The following SMCO4 variants were observed in gnomAD, a reference collection of about 807,000 sequenced individuals.
The protein encoded by SMCO4 is single-pass membrane protein with coiled-coil domains 4.
Under a neutral mutation model 3.6 loss-of-function variants are expected in SMCO4, and 4 were observed. The ratio of observed to expected loss-of-function variants is 1.11; its 90% confidence interval spans 0.54 to 2.53. The LOEUF (loss-of-function observed/expected upper bound fraction) is 2.53, where lower values mean the gene tolerates loss of function less well. Ranked by LOEUF, SMCO4 falls within the 30% of genes most tolerant of loss-of-function variation. The pLI, the probability that SMCO4 is intolerant of heterozygous loss-of-function variation, is 0.02. For missense variants in SMCO4, 70 were observed against 80.8 expected (o/e 0.87, Z 0.51); for synonymous variants, 36 against 35.3 (o/e 1.02, Z -0.07).
At chr11:93,483,100 C>G (rs778936242) in intron 2 of SMCO4, among the ~76,000 whole-genome samples, 2 of 151,764 alleles carry the variant, frequency 1.3e-5, no homozygotes, top group South Asian at 4.2e-4. Flanking sequence ...GCACTGGGGG[C>G]GAGGGGTGGC....
chr11:93,548,583 A>G, the SMCO4 span, among the ~76,000 whole-genome samples: 1 of 152,182 alleles, frequency 6.6e-6, no homozygotes, highest in African/African-American at 2.4e-5. Context: ...TCACTGCCAG[A>G]ATCACATCTG....
intron 1 of SMCO4, among the ~76,000 whole-genome samples, chr11:93,539,515 G>A (rs765720531): frequency 1.3e-5 from 2 of 152,104 alleles, no homozygotes; most frequent in African/African-American, 2.4e-5. Context: ...TCACAAAGAC[G>A]ACACTTCTAC....
At chr11:93,507,041 G>A (rs940284493) in intron 1 of SMCO4, among the ~76,000 whole-genome samples, 3 of 152,158 alleles carry the variant, frequency 2.0e-5, no homozygotes, top group African/African-American at 7.2e-5. Flanking sequence ...TAAATACAGT[G>A]AGCCTGTTAT....
chr11:93,482,185 G>A (rs1948599183), intron 2 of SMCO4, among the ~76,000 whole-genome samples: 1 of 152,210 alleles, frequency 6.6e-6, no homozygotes, highest in Admixed American at 6.5e-5. Flanking sequence ...CCTGTGAGCT[G>A]GGGCAGCAAG....
intron 1 of SMCO4, chr11:93,535,514 C>G: frequency 7.1e-7 from 1 of 1,404,742 alleles, no homozygotes; most frequent in Non-Finnish European, 1.0e-6. Flanking sequence ...GCTGACCAGA[C>G]TTTTCCAGAA....
Position 93,481,971 on chromosome 11 carries a change from T to C in SMCO4, c.-80-2702A>G, listed in dbSNP as rs533817742. On this transcript the variant is annotated intron_variant, in intron 2 of 2. Transcript: ENST00000298966. ...TCTGCATCCACCCACACAAGTGTAGTTGACATTCAAAGGCCCCAGCCTCCA... is the reference window on the plus strand; with the variant it reads ...TCTGCATCCACCCACACAAGTGTAGCTGACATTCAAAGGCCCCAGCCTCCA... Among the ~76,000 whole-genome samples the C allele has an allele frequency of 3.3e-5, 5 of 152,302 alleles. No homozygotes were observed. In the South Asian group the frequency reaches 8.3e-4, roughly 25 times the overall value.
In SMCO4 at chr11:93,535,626, C is replaced by T. The variant is rs1278465434; in HGVS notation, c.-154+7650G>A. 7.6e-6 allele frequency: 12 copies of T among 1,585,206 alleles called. No individual in the cohort carries two copies. The South Asian group carries it at 7.7e-5, about 10-fold the overall frequency. The stretch of plus-strand genomic sequence containing the variant: ...CTGTGGAGGGCTTTGAGCCTGCAGA[C>T]AACAAGTGTCTGTTAAGAGCTACCG... On this transcript the variant is annotated intron_variant, in intron 1 of 2. Coordinates refer to ENST00000298966, the MANE Select transcript of SMCO4 (RefSeq NM_020179.3).
chr11:93,544,589 C>T (rs1184828654), upstream of SMCO4, among the ~76,000 whole-genome samples: 5 of 152,204 alleles, frequency 3.3e-5, no homozygotes, highest in Non-Finnish European at 7.3e-5. Flanking sequence ...CTGCAGTCTA[C>T]TGGCTCTTCC....
At chr11:93,483,072 A>T (rs1948610123) in intron 2 of SMCO4, among the ~76,000 whole-genome samples, 1 of 152,170 alleles carries the variant, frequency 6.6e-6, no homozygotes, top group South Asian at 2.1e-4. Context: ...GAACTCAACA[A>T]GAGGAGGTAG....
At chr11:93,531,945 T>C (rs1441777237) in intron 1 of SMCO4, among the ~76,000 whole-genome samples, 1 of 152,226 alleles carries the variant, frequency 6.6e-6, no homozygotes, top group African/African-American at 2.4e-5. Context: ...TGGAAGCCCC[T>C]GCCCCATTTC....
chr11:93,544,100 C>T (rs7126188), upstream of SMCO4, among the ~76,000 whole-genome samples: 81,499 of 151,996 alleles, frequency 0.54, 22,365 homozygotes, highest in Admixed American at 0.64. Flanking sequence ...TGGGCAATCG[C>T]GGGAAAGCTC....
intron 2 of SMCO4, among the ~76,000 whole-genome samples, chr11:93,492,006 T>C (rs1948723332): frequency 6.6e-6 from 1 of 152,204 alleles, no homozygotes; most frequent in Non-Finnish European, 1.5e-5. Context: ...TTACAGTAAG[T>C]TAATTACAGA....
chr11:93,491,157 C>T (rs1039491008), intron 2 of SMCO4, among the ~76,000 whole-genome samples: 1 of 152,206 alleles, frequency 6.6e-6, no homozygotes, highest in Non-Finnish European at 1.5e-5. Flanking sequence ...ATGGCTAATT[C>T]ATCACTTCCT....
At chr11:93,488,180 G>A (rs1160401444) in intron 2 of SMCO4, among the ~76,000 whole-genome samples, 4 of 152,160 alleles carry the variant, frequency 2.6e-5, no homozygotes, top group Non-Finnish European at 4.4e-5. Context: ...CCTGTGCAGG[G>A]GGAAGATCTT....
chr11:93,493,278 C>G (rs534736827), intron 2 of SMCO4, among the ~76,000 whole-genome samples: 5 of 152,306 alleles, frequency 3.3e-5, no homozygotes, highest in South Asian at 2.1e-4. Context: ...TAGGTCCACT[C>G]AGGCCACCGT....
At chr11:93,536,658 A>G (rs1419642921) in intron 1 of SMCO4, among the ~76,000 whole-genome samples, 1 of 152,176 alleles carries the variant, frequency 6.6e-6, no homozygotes, top group Admixed American at 6.5e-5. Context: ...GAGGACCTGG[A>G]GGAGCTGGCA....
intron 1 of SMCO4, among the ~76,000 whole-genome samples, chr11:93,538,337 G>C (rs1483765621): frequency 6.6e-6 from 1 of 152,204 alleles, no homozygotes; most frequent in East Asian, 1.9e-4. Flanking sequence ...ATCTAGGGCA[G>C]ATCAACTCTT....
At chr11:93,497,097 T>C (rs973423215) in intron 2 of SMCO4, among the ~76,000 whole-genome samples, 1 of 152,210 alleles carries the variant, frequency 6.6e-6, no homozygotes, top group Non-Finnish European at 1.5e-5. Flanking sequence ...CCTTCTAGAA[T>C]AGAAGCTGGT....
intron 1 of SMCO4, among the ~76,000 whole-genome samples, chr11:93,522,274 T>C (rs938547994): frequency 2.6e-5 from 4 of 152,238 alleles, no homozygotes; most frequent in Admixed American, 6.5e-5. Flanking sequence ...AAATGCTGAC[T>C]CTCTGGCATG....
Sources: allele counts gnomAD v4.1 joint callset (sites outside exome capture counted in the v4.1 genomes callset), GRCh38; gene constraint gnomAD v4.1.1; transcripts MANE v1.5; gene names NCBI Gene and HGNC (gene_info 2026-07-23, HGNC 2026-07-21).